YWHAZ: variants seen among roughly 807,000 people sequenced by gnomAD.
YWHAZ encodes the protein 14-3-3 protein zeta/delta.
For synonymous variants in YWHAZ, 87 were observed against 103.6 expected (o/e 0.84, Z 0.97); for missense variants, 79 against 284.8 (o/e 0.28, Z 5.20).
rs1554611374 is a variant in YWHAZ, at chr8:100,918,408, T to TATATATATATATATATATATA, written c.*2284_*2285insTATATATATATATATATATAT. 2.4e-5 allele frequency: 1 copy of TATATATATATATATATATATA among 41,882 alleles called. No homozygotes were observed. The highest frequency in any genetic ancestry group is 4.8e-5 in the Non-Finnish European group (1 of 20,796). The allele number at this position is 41,882 out of a possible 1,614,324, so 2.6% of individuals were successfully genotyped here. On this transcript the variant is annotated 3_prime_UTR_variant, in exon 6 of 6. Transcript: ENST00000395958. Reference sequence around the variant, plus strand: ...AGTCTAGCTATAAAATATAATTACTTTATATATATATATATATATATATAT... The same window carrying TATATATATATATATATATATA: ...AGTCTAGCTATAAAATATAATTACTTATATATATATATATATATATATATATATATATATATATATATATAT...
intron 2 of YWHAZ, among the ~76,000 whole-genome samples, chr8:100,928,689 C>T (rs1184186163): frequency 2.0e-5 from 3 of 150,222 alleles, no homozygotes; most frequent in Middle Eastern, 3.5e-3. Context: ...GCTGAGATTG[C>T]GCCATTGCAC....
At chr8:100,951,593 G>A in intron 1 of YWHAZ, 8 of 985,042 alleles carry the variant, frequency 8.1e-6, no homozygotes, top group Non-Finnish European at 9.6e-6. Flanking sequence ...CCCCGGCCAT[G>A]CCTCGTCCAC....
intron 1 of YWHAZ, chr8:100,951,235 C>T (rs1466110513): frequency 1.0e-6 from 1 of 985,176 alleles, no homozygotes; most frequent in Non-Finnish European, 1.2e-6. Context: ...CCCGGTCTAC[C>T]TGGCGGGCGC....
chr8:100,946,899 AAAAAAAAC>A (rs1810325575), intron 2 of YWHAZ, among the ~76,000 whole-genome samples: 2 of 149,556 alleles, frequency 1.3e-5, no homozygotes, highest in South Asian at 4.2e-4. Context: ...AAAAAAAAAC[AAAAAAAAC>A]AAAAAAACCC....
In YWHAZ at chr8:100,920,802, G is replaced by GGGC. The variant is rs1554612455; in HGVS notation, c.679-51_679-50insGCC. On this transcript the variant is annotated intron_variant, in intron 5 of 5. Coordinates refer to ENST00000395958, the MANE Select transcript of YWHAZ (RefSeq NM_145690.3). ...CAGCAAGTTTCAGTGGGATGGGGGG[G>GGGC]GGGGGGCGTTTTCATATAAGTGCCA... 2.4e-6 allele frequency: 2 copies of GGGC among 830,144 alleles called. 1 individual carries two copies. The highest frequency in any genetic ancestry group is 2.9e-5 in the South Asian group (2 of 69,644). The allele number at this position is 830,144 out of a possible 1,614,324, so 51.4% of individuals were successfully genotyped here. A position where few individuals can be genotyped will look rare whatever the true frequency, so the allele number is the denominator to read the frequency against.
chr8:100,952,756 C>A, upstream of YWHAZ: 1 of 989,930 alleles, frequency 1.0e-6, no homozygotes, highest in South Asian at 4.7e-5. Flanking sequence ...GTGTGGTGCG[C>A]TGCCCCCCGC....
At chr8:100,949,069 G>A (rs1437368008) in intron 1 of YWHAZ, among the ~76,000 whole-genome samples, 169 bp from the exon 2 acceptor site, 1 of 152,042 alleles carries the variant, frequency 6.6e-6, no homozygotes. Context: ...TCAAAAAAGG[G>A]AAAAAAATTT....
intron 2 of YWHAZ, among the ~76,000 whole-genome samples, chr8:100,926,989 C>T (rs1046212609): frequency 1.3e-5 from 2 of 152,166 alleles, no homozygotes; most frequent in Non-Finnish European, 2.9e-5. Context: ...TTTTGAATTA[C>T]AGCACTATAC....
At chr8:100,925,310 A>G (rs1005615318) in intron 2 of YWHAZ, among the ~76,000 whole-genome samples, 32 of 152,230 alleles carry the variant, frequency 2.1e-4, no homozygotes, top group African/African-American at 7.0e-4. Context: ...ATCTATTTAC[A>G]TGCTGACTTC....
intron 2 of YWHAZ, among the ~76,000 whole-genome samples, chr8:100,932,905 G>C (rs558442152): frequency 1.6e-4 from 25 of 152,250 alleles, no homozygotes; most frequent in African/African-American, 6.0e-4. Context: ...GAAACAGTGA[G>C]TGCATAATGG....
rs565782777 is a variant in YWHAZ at position 100,948,731 on chromosome 8, T to G, written c.159A>C (p.Gly53=). The G allele has an allele frequency of 6.2e-7, 1 of 1,600,052 alleles. No homozygotes were observed. The highest frequency in any genetic ancestry group is 1.7e-5 in the Admixed American group (1 of 60,016). The change falls in exon 2 of 6, where the codon GGA becomes GGC. Residue 53 remains glycine, a synonymous_variant. Transcript: ENST00000395958. The surrounding 1 kb of genome is among the most constrained non-coding windows in gnomAD (Gnocchi z 4.2). ...CGACCCTCCAAGATGACCTACGGGC[T>G]CCTACAACATTTTTATAAGCAACTG... ...LLSVAYKNVV[G]ARRSSWRVVS...
intron 2 of YWHAZ, among the ~76,000 whole-genome samples, chr8:100,940,598 A>G (rs1809763763): frequency 6.6e-6 from 1 of 152,256 alleles, no homozygotes; most frequent in African/African-American, 2.4e-5. Context: ...AGTTCTCTTA[A>G]ATTTAATCCA....
chr8:100,951,350 G>T, intron 1 of YWHAZ: 4 of 984,708 alleles, frequency 4.1e-6, no homozygotes, highest in Non-Finnish European at 4.8e-6. Flanking sequence ...CGCCTCCCGG[G>T]GTGGGGGAGG....
chr8:100,952,969 C>T (rs1019973796), upstream of YWHAZ: 2 of 1,000,594 alleles, frequency 2.0e-6, no homozygotes, highest in South Asian at 4.7e-5. Flanking sequence ...GCGGGATCTG[C>T]GCTCGGTGAC....
chr8:100,952,613 A>C, upstream of YWHAZ: 1 of 226,170 alleles, frequency 4.4e-6, no homozygotes, highest in Non-Finnish European at 7.4e-6. Flanking sequence ...GCTTCGCGGT[A>C]GTAACTGCCC....
chr8:100,923,919 C>A, intron 5 of YWHAZ, 36 bp downstream of exon 5: 1 of 1,537,894 alleles, frequency 6.5e-7, no homozygotes, highest in Non-Finnish European at 8.8e-7. Context: ...ACCTCTTCAA[C>A]CACATTCATC....
intron 5 of YWHAZ, among the ~76,000 whole-genome samples, chr8:100,920,967 T>C (rs1812984372): frequency 6.6e-6 from 1 of 152,214 alleles, no homozygotes; most frequent in Non-Finnish European, 1.5e-5. Context: ...ACCACAGAGT[T>C]GCCTTCAAAT....
intron 2 of YWHAZ, among the ~76,000 whole-genome samples, chr8:100,937,003 C>A (rs2130249659): frequency 6.6e-6 from 1 of 152,188 alleles, no homozygotes. Flanking sequence ...AATTCTGGAG[C>A]AGAAACAGGA....
At chr8:100,952,893 A>G (rs900801689), upstream of YWHAZ, 1 of 1,000,184 alleles carries the variant, frequency 1.0e-6, no homozygotes, top group Non-Finnish European at 1.2e-6. Context: ...TATGGCTCGG[A>G]AACGGGAGTG....
Sources: allele counts gnomAD v4.1 joint callset (sites outside exome capture counted in the v4.1 genomes callset), GRCh38; gene constraint gnomAD v4.1.1; non-coding constraint Gnocchi (gnomAD v3.1); transcripts MANE v1.5; gene names NCBI Gene and HGNC (gene_info 2026-07-23, HGNC 2026-07-21).